ATAD2: variants seen among roughly 807,000 people sequenced by gnomAD.
ATAD2 encodes the protein ATPase family AAA domain containing 2.
In ATAD2, 62 loss-of-function variants were observed where a neutral mutation model predicts 168.9. That is an observed-to-expected ratio of 0.37 (90% CI 0.30 to 0.45). The LOEUF is 0.45. ATAD2 is among the 20% of genes least tolerant of loss of function. The pLI is 1.00. For missense variants in ATAD2, 1,419 were observed against 1,667.8 expected, an observed-to-expected ratio of 0.85 and a Z score of 2.60; for synonymous variants, 613 against 571.6, an observed-to-expected ratio of 1.07 and a Z score of -1.03.
intron 25 of ATAD2, among the ~76,000 whole-genome samples, chr8:123,326,872 T>G (rs1306256820): frequency 6.6e-6 from 1 of 152,082 alleles, no homozygotes; most frequent in East Asian, 1.9e-4. Context: ...CAATGATAAA[T>G]GAGAAAAATA....
At chr8:123,361,197 AC>A (rs1212851596) in intron 9 of ATAD2, among the ~76,000 whole-genome samples, 1 of 151,774 alleles carries the variant, frequency 6.6e-6, no homozygotes, top group East Asian at 1.9e-4. Context: ...CACACCTGTA[AC>A]CCCAGCTACT....
At chr8:123,337,075 A>AAG (rs1554642426) in intron 21 of ATAD2, among the ~76,000 whole-genome samples, 2 of 142,562 alleles carry the variant, frequency 1.4e-5, no homozygotes, top group Admixed American at 6.9e-5. Flanking sequence ...AAAAAAAAAA[A>AAG]GGGGGGGCCG....
chr8:123,324,768 T>C (rs139295903), intron 26 of ATAD2, among the ~76,000 whole-genome samples: 138 of 152,318 alleles, frequency 9.1e-4, no homozygotes, highest in Middle Eastern at 6.8e-3. Context: ...TATTAGCTAT[T>C]AGGATGTCAT....
At position 123,402,839 on chromosome 8, in the gene ATAD2, T is replaced by A. The variant is rs4870850; in HGVS notation, c.-2281-1664A>T. Among the ~76,000 whole-genome samples the A allele has an allele frequency of 1.1e-3, 15 of 13,466 alleles. No individual in the cohort carries two copies. Among genetic ancestry groups the A allele is most frequent in the Admixed American group, 1.5e-3 (1 of 684 alleles). The allele number at this position is 13,466 out of a possible 152,430, so 8.8% of individuals were successfully genotyped here. On this transcript the variant is annotated intron_variant, in intron 1 of 28. Transcript: ENST00000521903. The surrounding 1 kb of genome is among the most constrained non-coding windows in gnomAD (Gnocchi z 4.8). ...CCAATAATAATAATAATAATAATAA[T>A]AATAAAAATCAACACACTACACACA...
chr8:123,327,729 T>G (rs1827652352), intron 25 of ATAD2, among the ~76,000 whole-genome samples: 1 of 152,180 alleles, frequency 6.6e-6, no homozygotes, highest in African/African-American at 2.4e-5. Flanking sequence ...TAAATAATCT[T>G]GGACTTAACC....
At chr8:123,386,846 C>A (rs1314474357) in intron 1 of ATAD2, among the ~76,000 whole-genome samples, 2 of 150,452 alleles carry the variant, frequency 1.3e-5, no homozygotes, top group African/African-American at 4.9e-5. Flanking sequence ...CTTTGATGTG[C>A]ATAGTGAACG....
At chr8:123,380,419 T>C (rs1829461271) in intron 2 of ATAD2, 110 bp downstream of exon 2, 1 of 1,114,302 alleles carries the variant, frequency 9.0e-7, no homozygotes, top group Admixed American at 2.5e-5. Flanking sequence ...CTACATTTTA[T>C]AGCCCTAGAA....
At chr8:123,334,382 T>A in intron 22 of ATAD2, 60 bp from the exon 23 acceptor site, 2 of 1,400,456 alleles carry the variant, frequency 1.4e-6, no homozygotes, top group Middle Eastern at 2.6e-4. Flanking sequence ...ATACCAAAAA[T>A]AAACTCAGCA....
intron 9 of ATAD2, 130 bp downstream of exon 9, chr8:123,361,409 G>A (rs1828817902): frequency 3.3e-6 from 2 of 602,594 alleles, no homozygotes; most frequent in Admixed American, 4.8e-5. Context: ...CAGCATTCTA[G>A]TTTATACATT....
At chr8:123,323,116 A>G in intron 26 of ATAD2, 50 bp from the exon 27 acceptor site, 1 of 1,542,802 alleles carries the variant, frequency 6.5e-7, no homozygotes, top group Non-Finnish European at 8.8e-7. Context: ...ACTTCCTCAG[A>G]CAAGATACTT....
chr8:123,353,736 A>G (rs1253459474), intron 13 of ATAD2, among the ~76,000 whole-genome samples: 1 of 152,196 alleles, frequency 6.6e-6, no homozygotes, highest in Non-Finnish European at 1.5e-5. Flanking sequence ...AGGCCTGTTT[A>G]AAGTGTCCAG....
intron 1 of ATAD2, among the ~76,000 whole-genome samples, chr8:123,388,270 A>T (rs919054656): frequency 9.9e-5 from 15 of 152,270 alleles, no homozygotes; most frequent in African/African-American, 3.6e-4. Context: ...ATCATGGCTC[A>T]CTGCAGCCTC....
chr8:123,396,158 C>T (rs1406881249), intron 1 of ATAD2, 29 bp downstream of exon 1: 2 of 1,534,672 alleles, frequency 1.3e-6, no homozygotes, highest in Non-Finnish European at 1.7e-6. Flanking sequence ...GGGAACCGCC[C>T]TGGGAGCCCG....
Position 123,396,205 on chromosome 8 carries a change from C to T in ATAD2, c.153G>A (p.Ala51=). The T allele has an allele frequency of 6.3e-7, 1 of 1,583,818 alleles. No homozygotes were observed. Among genetic ancestry groups the T allele is most frequent in the Non-Finnish European group, 8.5e-7 (1 of 1,169,954 alleles). The change falls in exon 1 of 28, where the codon GCG becomes GCA. Residue 51 remains alanine, a synonymous_variant. Coordinates refer to ENST00000287394, the MANE Select transcript of ATAD2 (RefSeq NM_014109.4). ...TACTCACGCCCGCTTTGGCTGTGGTCGCCGCGGGTTTCTTCTGCGCCGCGC... is the reference window on the plus strand; with the variant it reads ...TACTCACGCCCGCTTTGGCTGTGGTTGCCGCGGGTTTCTTCTGCGCCGCGC... The part of the protein sequence containing the change: ...SAGAAQKKPA[A]TTAKAGDGSS...
intron 1 of ATAD2, among the ~76,000 whole-genome samples, chr8:123,381,653 G>A (rs1167490649): frequency 1.3e-5 from 2 of 152,180 alleles, no homozygotes; most frequent in Non-Finnish European, 2.9e-5. Flanking sequence ...CTGTCATAAA[G>A]TATTCCAAAG....
In ATAD2 at chr8:123,369,595, T is replaced by C. The variant is rs533322930; in HGVS notation, c.931+226A>G. ...GTGCAGTCTAAAGTAAAGACAGATA[T>C]AAAATTCAAAAATAGCCCAGTTATT... On this transcript the variant is annotated intron_variant, in intron 7 of 27. Transcript: ENST00000287394. Among the ~76,000 whole-genome samples, 12 of 152,216 alleles carry C rather than the reference T, an allele frequency of 7.9e-5. No homozygotes were observed. In the East Asian group the frequency reaches 2.3e-3, roughly 29 times the overall value.
chr8:123,406,382 C>CAAAAAAA (rs34085644), intron 1 of ATAD2, among the ~76,000 whole-genome samples: 1 of 90,816 alleles, frequency 1.1e-5, no homozygotes, highest in Admixed American at 1.4e-4. Flanking sequence ...ACTGTCTCAC[C>CAAAAAAA]AAAAAAAAAA....
At chr8:123,324,019 A>G (rs145511077) in intron 26 of ATAD2, among the ~76,000 whole-genome samples, 2 of 152,232 alleles carry the variant, frequency 1.3e-5, no homozygotes, top group Non-Finnish European at 2.9e-5. Context: ...CCCAAACAAC[A>G]TAACACGGTG....
At chr8:123,339,684 T>G (rs1828012950) in intron 19 of ATAD2, among the ~76,000 whole-genome samples, 1 of 152,146 alleles carries the variant, frequency 6.6e-6, no homozygotes, top group Admixed American at 6.5e-5. Flanking sequence ...GAAATGCATG[T>G]GTCAGTCATT....
Sources: allele counts gnomAD v4.1 joint callset (sites outside exome capture counted in the v4.1 genomes callset), GRCh38; gene constraint gnomAD v4.1.1; non-coding constraint Gnocchi (gnomAD v3.1); transcripts MANE v1.5; gene names NCBI Gene and HGNC (gene_info 2026-07-23, HGNC 2026-07-21).